Variants in ELP4 observed in about 807,000 individuals in gnomAD.
The protein encoded by ELP4 is elongator complex protein 4.
A neutral mutation model predicts 48.9 loss-of-function variants in ELP4; 51 were observed. That is an observed-to-expected ratio of 1.04 (90% CI 0.83 to 1.32). The LOEUF is 1.32. ELP4 is among the 40% of genes most tolerant of loss of function. ELP4 has a pLI of 0.00. For missense variants in ELP4, 519 were observed against 514.6 expected (o/e 1.01, Z -0.08); for synonymous variants, 210 against 189.2 (o/e 1.11, Z -0.90).
In ELP4 at chr11:31,682,118, G is replaced by A. The variant is rs1223800320; in HGVS notation, c.1143+31897G>A. On this transcript the variant is annotated intron_variant, in intron 9 of 9. Transcript: ENST00000640961. ...TTGATTTAGTGCTTCTGTAATGTCA[G>A]CGTCCCATCCAACTATGCAACAGTT... 9.9e-6 allele frequency: 12 copies of A among 1,212,546 alleles called. No homozygotes were observed. In the South Asian group the frequency reaches 1.6e-4, roughly 17 times the overall value. The allele number at this position is 1,212,546 out of a possible 1,614,324, so 75.1% of individuals were successfully genotyped here.
At chr11:31,600,293 C>G (rs992845785) in intron 4 of ELP4, 5 of 152,158 alleles carry the variant, frequency 3.3e-5, no homozygotes, top group Non-Finnish European at 7.3e-5. Context: ...AACCACTATT[C>G]CTGACTCACT....
intron 2 of ELP4, among the ~76,000 whole-genome samples, chr11:31,532,248 A>T (rs1956407170): frequency 6.6e-6 from 1 of 152,236 alleles, no homozygotes; most frequent in African/African-American, 2.4e-5. Flanking sequence ...ATGTCATGAA[A>T]TTCTGTTGGC....
intron 9 of ELP4, among the ~76,000 whole-genome samples, chr11:31,744,570 C>T (rs545748315): frequency 4.8e-4 from 73 of 152,314 alleles, no homozygotes; most frequent in African/African-American, 1.7e-3. Flanking sequence ...CCCTGGGATG[C>T]AAGGCTGGTT....
At chr11:31,623,354 AAT>A (rs779632233) in intron 5 of ELP4, among the ~76,000 whole-genome samples, 11 of 9,240 alleles carry the variant, frequency 1.2e-3, no homozygotes, top group African/African-American at 2.0e-3. Flanking sequence ...ATTTTCAGCA[AAT>A]ATATATATAT....
intron 9 of ELP4, chr11:31,663,126 A>ATG (rs1382554323): frequency 1.3e-5 from 2 of 152,150 alleles, no homozygotes; most frequent in East Asian, 1.9e-4. Flanking sequence ...GTATAAATAT[A>ATG]TATTAGTTTT....
intron 5 of ELP4, among the ~76,000 whole-genome samples, chr11:31,616,263 A>G (rs2134020081): frequency 6.6e-6 from 1 of 152,232 alleles, no homozygotes; most frequent in Non-Finnish European, 1.5e-5. Flanking sequence ...TAGAATAGAT[A>G]GCCCAAAAAT....
intron 5 of ELP4, among the ~76,000 whole-genome samples, chr11:31,613,639 T>C (rs1958021808): frequency 6.6e-6 from 1 of 151,958 alleles, no homozygotes; most frequent in African/African-American, 2.4e-5. Flanking sequence ...CTCTGGGTGG[T>C]GGATTCCGGA....
chr11:31,701,936 A>G lies in ELP4; in HGVS notation c.1143+51715A>G, dbSNP rs1592236975. Among the ~76,000 whole-genome samples, 3 of 152,076 alleles carry G rather than the reference A, an allele frequency of 2.0e-5. 1 individual carries two copies. The South Asian group carries it at 6.2e-4, about 31-fold the overall frequency. Reference sequence around the variant, plus strand: ...CTTTAGTGTTTATATATTATTCCCAAAAATTGAATATCAACTGTTAGCCAC... The same window carrying G: ...CTTTAGTGTTTATATATTATTCCCAGAAATTGAATATCAACTGTTAGCCAC... On this transcript the variant is annotated intron_variant, in intron 9 of 9. Transcript: ENST00000640961.
At chr11:31,759,647 G>A (rs560820911) in intron 9 of ELP4, among the ~76,000 whole-genome samples, 2 of 151,354 alleles carry the variant, frequency 1.3e-5, no homozygotes, top group East Asian at 3.9e-4. Flanking sequence ...TAATAGCATT[G>A]TTTTTCATGT....
chr11:31,546,014 C>T (rs1956704559), intron 3 of ELP4, among the ~76,000 whole-genome samples: 1 of 152,172 alleles, frequency 6.6e-6, no homozygotes, highest in East Asian at 1.9e-4. Context: ...CAACCGGTAC[C>T]AGCTGCTGCA....
At chr11:31,771,775 C>G (rs1328714328) in intron 9 of ELP4, among the ~76,000 whole-genome samples, 1 of 152,166 alleles carries the variant, frequency 6.6e-6, no homozygotes, top group Admixed American at 6.5e-5. Flanking sequence ...GTCAGGAGAT[C>G]AAGACCATCC....
chr11:31,700,185 A>G (rs1946491852), intron 9 of ELP4, among the ~76,000 whole-genome samples: 1 of 151,980 alleles, frequency 6.6e-6, no homozygotes, highest in East Asian at 1.9e-4. Flanking sequence ...AAGACTAATT[A>G]TGGGTATACG....
At chr11:31,540,991 G>A (rs558128809) in intron 3 of ELP4, among the ~76,000 whole-genome samples, 101 of 152,132 alleles carry the variant, frequency 6.6e-4, no homozygotes, top group Non-Finnish European at 8.8e-5. Context: ...TAGTTTCTTT[G>A]TCCATAACAG....
At chr11:31,703,372 A>G (rs1200315926) in intron 9 of ELP4, among the ~76,000 whole-genome samples, 1 of 152,194 alleles carries the variant, frequency 6.6e-6, no homozygotes, top group Non-Finnish European at 1.5e-5. Flanking sequence ...CTTTATTTAT[A>G]TATACTGTGA....
At chr11:31,713,002 C>T (rs928297151) in intron 9 of ELP4, among the ~76,000 whole-genome samples, 1 of 152,098 alleles carries the variant, frequency 6.6e-6, no homozygotes, top group Non-Finnish European at 1.5e-5. Context: ...TCCCTTTTCA[C>T]ATTGCTTTTG....
At chr11:31,764,900 A>G (rs1008160237) in intron 9 of ELP4, among the ~76,000 whole-genome samples, 1 of 152,184 alleles carries the variant, frequency 6.6e-6, no homozygotes, top group Non-Finnish European at 1.5e-5. Flanking sequence ...AATCATGTGT[A>G]TTATTCAACG....
At chr11:31,534,237 G>T (rs1956461341) in intron 2 of ELP4, among the ~76,000 whole-genome samples, 1 of 151,418 alleles carries the variant, frequency 6.6e-6, no homozygotes, top group African/African-American at 2.4e-5. Context: ...CGTTTCACTG[G>T]ATTATAAGGA....
chr11:31,538,356 TATA>T (rs1377800586), intron 2 of ELP4, among the ~76,000 whole-genome samples: 1 of 148,330 alleles, frequency 6.7e-6, no homozygotes, highest in Non-Finnish European at 1.5e-5. Flanking sequence ...TGCATTACTA[TATA>T]ATAGTTATAT....
chr11:31,675,198 T>C (rs1945895899), intron 9 of ELP4, among the ~76,000 whole-genome samples: 1 of 152,114 alleles, frequency 6.6e-6, no homozygotes, highest in African/African-American at 2.4e-5. Context: ...TTGTGGCAGA[T>C]TGAATGGGCA....
Sources: gnomAD v4.1 joint callset for allele counts (sites outside exome capture counted in the v4.1 genomes callset) on GRCh38, gnomAD v4.1.1 for gene constraint, MANE v1.5 for transcripts, NCBI Gene and HGNC (gene_info 2026-07-23, HGNC 2026-07-21) for gene names.